Variants in USH2A observed in about 807,000 individuals in gnomAD.
USH2A encodes the protein Usher syndrome 2A (autosomal recessive, mild).
USH2A carries 443 observed loss-of-function variants against 538.9 expected under a neutral mutation model. That is an observed-to-expected ratio of 0.82 (90% CI 0.76 to 0.89). The LOEUF is 0.89. Among genes scored for constraint, USH2A ranks in the 40% least tolerant of loss-of-function variants. USH2A has a pLI of 0.00. For missense variants in USH2A, 6,633 were observed against 6,324.8 expected (o/e 1.05, Z -1.65); for synonymous variants, 2,413 against 2,273.5 (o/e 1.06, Z -1.75).
At chr1:215,958,460 C>T (rs761346178) in intron 37 of USH2A, among the ~76,000 whole-genome samples, 10 of 152,046 alleles carry the variant, frequency 6.6e-5, no homozygotes, top group East Asian at 1.9e-4. Flanking sequence ...CTGCAGTTTC[C>T]GTTCCCCTTT....
chr1:216,398,279 G>A (rs1042149776), intron 3 of USH2A, among the ~76,000 whole-genome samples: 10 of 152,068 alleles, frequency 6.6e-5, no homozygotes, highest in South Asian at 2.1e-4. Flanking sequence ...ATGACTTTGC[G>A]AAGTAGGTAG....
chr1:216,062,133 A>G (rs539262820), intron 30 of USH2A, among the ~76,000 whole-genome samples: 34 of 152,336 alleles, frequency 2.2e-4, no homozygotes, highest in African/African-American at 7.9e-4. Flanking sequence ...ATAAGGATAT[A>G]GCCCTCAAAT....
chr1:216,278,378 C>T (rs553450632), intron 11 of USH2A, among the ~76,000 whole-genome samples: 40 of 152,292 alleles, frequency 2.6e-4, no homozygotes, highest in Non-Finnish European at 5.1e-4. Flanking sequence ...TACTAACCTT[C>T]CTATCCAGCT....
chr1:216,017,695 A>G (rs115966870), intron 32 of USH2A, among the ~76,000 whole-genome samples: 2,068 of 152,314 alleles, frequency 0.014, 47 homozygotes, highest in African/African-American at 0.047. Flanking sequence ...TATCGTAGTG[A>G]AGATTAAGAT....
At chr1:216,246,105 TG>T (rs970167335) in intron 13 of USH2A, among the ~76,000 whole-genome samples, 15 of 152,204 alleles carry the variant, frequency 9.9e-5, no homozygotes, top group African/African-American at 3.6e-4. Flanking sequence ...ATTAATTTGA[TG>T]GCATGTGGAA....
intron 21 of USH2A, among the ~76,000 whole-genome samples, chr1:216,127,450 T>C (rs2033277968): frequency 6.6e-6 from 1 of 152,172 alleles, no homozygotes; most frequent in African/African-American, 2.4e-5. Flanking sequence ...TCGAGATGTC[T>C]ATTATTGGAT....
At chr1:215,953,528 G>A (rs1287171278) in intron 37 of USH2A, among the ~76,000 whole-genome samples, 4 of 152,096 alleles carry the variant, frequency 2.6e-5, no homozygotes, top group African/African-American at 7.2e-5. Flanking sequence ...AGCTGAAACT[G>A]GATCCCTTCC....
intron 48 of USH2A, among the ~76,000 whole-genome samples, chr1:215,816,266 A>T (rs1334978341): frequency 6.6e-6 from 1 of 152,138 alleles, no homozygotes; most frequent in Non-Finnish European, 1.5e-5. Context: ...GTATCAAAAA[A>T]TGCACAGTTA....
intron 37 of USH2A, among the ~76,000 whole-genome samples, chr1:215,958,669 C>G (rs1221763023): frequency 6.6e-6 from 1 of 152,028 alleles, no homozygotes; most frequent in Non-Finnish European, 1.5e-5. Context: ...CCCACTCCTT[C>G]CAGATGTTAC....
At position 216,251,074 on chromosome 1, in the gene USH2A, T is replaced by C. The variant is rs780543685; in HGVS notation, c.1996A>G (p.Arg666Gly). 6.2e-7 allele frequency: 1 copy of C among 1,613,962 alleles called. No individual in the cohort carries two copies. Among genetic ancestry groups the C allele is most frequent in the Non-Finnish European group, 8.5e-7 (1 of 1,179,982 alleles). ...TTGCACTGCCTGCCAGACACGTGTC[T>C]CTTACAATTACACTGTCCTCCAATC... is the stretch of plus-strand genomic sequence containing the variant. ...DQIGGQCNCK[R>G]HVSGRQCNQC... Residue 666 changes from arginine to glycine, a missense_variant, in exon 12 of 72, where the codon AGA becomes GGA. Transcript: ENST00000307340.
chr1:215,913,802 G>A (rs916196054), intron 38 of USH2A, among the ~76,000 whole-genome samples: 1 of 151,624 alleles, frequency 6.6e-6, no homozygotes, highest in African/African-American at 2.4e-5. Context: ...AAGTATTTCT[G>A]GCTACTTGAT....
chr1:215,780,175 C>T, intron 54 of USH2A, 134 bp from the exon 55 acceptor site: 1 of 1,011,232 alleles, frequency 9.9e-7, no homozygotes, highest in East Asian at 2.6e-5. Context: ...GAAGCATTTC[C>T]CTTTTTTTTC....
intron 21 of USH2A, among the ~76,000 whole-genome samples, chr1:216,128,600 A>T (rs2033305404): frequency 6.6e-6 from 1 of 152,052 alleles, no homozygotes; most frequent in African/African-American, 2.4e-5. Flanking sequence ...CTTAAATTGT[A>T]AAATTTTTAA....
Position 216,415,819 on chromosome 1 carries a change from C to A in USH2A, c.651+2695G>T, listed in dbSNP as rs148269560. 3.7e-3 allele frequency among the ~76,000 whole-genome samples: 559 copies of A among 152,162 alleles called. 3 individuals are homozygous for A. Among genetic ancestry groups the A allele is most frequent in the Non-Finnish European group, 4.8e-3 (325 of 67,994 alleles). ...GGGATTACAGGCATGAACCACTGCGCCTGGCCTCCATTATTTCTTATAACA... is the reference window on the plus strand; with the variant it reads ...GGGATTACAGGCATGAACCACTGCGACTGGCCTCCATTATTTCTTATAACA... On this transcript the variant is annotated intron_variant, in intron 3 of 71. Transcript: ENST00000307340.
chr1:215,805,632 A>G (rs1421959794), intron 49 of USH2A, among the ~76,000 whole-genome samples: 1 of 152,082 alleles, frequency 6.6e-6, no homozygotes, highest in Admixed American at 6.6e-5. Flanking sequence ...TAAACAAGGA[A>G]AAAATAAATC....
intron 40 of USH2A, among the ~76,000 whole-genome samples, chr1:215,890,545 C>T (rs1665181851): frequency 6.6e-6 from 1 of 152,024 alleles, no homozygotes; most frequent in Non-Finnish European, 1.5e-5. Flanking sequence ...GTAATGTATC[C>T]TATTTGAAGA....
intron 69 of USH2A, 41 bp downstream of exon 69, chr1:215,639,114 G>T: frequency 1.3e-6 from 2 of 1,578,826 alleles, no homozygotes; most frequent in Non-Finnish European, 1.7e-6. Flanking sequence ...TCTTGAGGAA[G>T]ATGAATAGGT....
intron 20 of USH2A, among the ~76,000 whole-genome samples, chr1:216,186,895 C>A (rs1242992599): frequency 6.6e-6 from 1 of 151,774 alleles, no homozygotes; most frequent in Non-Finnish European, 1.5e-5. Flanking sequence ...TTCTTTCAAT[C>A]TTCACTTCTA....
At chr1:216,028,247 G>C (rs973973325) in intron 32 of USH2A, among the ~76,000 whole-genome samples, 4 of 152,048 alleles carry the variant, frequency 2.6e-5, no homozygotes, top group African/African-American at 9.7e-5. Context: ...AATTAGCTGG[G>C]TGTGGTGGTG....
Sources: gnomAD v4.1 joint callset for allele counts (sites outside exome capture counted in the v4.1 genomes callset) on GRCh38, gnomAD v4.1.1 for gene constraint, MANE v1.5 for transcripts, NCBI Gene and HGNC (gene_info 2026-07-23, HGNC 2026-07-21) for gene names.